The following GPR179 variants were observed in gnomAD, a reference collection of about 807,000 sequenced individuals.
The protein encoded by GPR179 is probable G protein-coupled receptor 179.
Under a neutral mutation model 70.8 loss-of-function variants are expected in GPR179, and 52 were observed. The observed-to-expected ratio is 0.73, with a 90% CI of 0.59 to 0.93. GPR179 has a LOEUF of 0.93. GPR179 is among the 40% of genes least tolerant of loss of function. The pLI, the probability that GPR179 is intolerant of heterozygous loss-of-function variation, is 0.00. For synonymous variants in GPR179, 1,123 were observed against 1,169.0 expected (o/e 0.96, Z 0.80); for missense variants, 2,734 against 2,966.8 (o/e 0.92, Z 1.82).
rs1421293290 is a variant in GPR179 at position 38,328,835 on chromosome 17, G to C, written c.4734C>G (p.Leu1578=). 1.2e-6 allele frequency: 2 copies of C among 1,613,070 alleles called. No individual in the cohort carries two copies. Among genetic ancestry groups the C allele is most frequent in the Admixed American group, 1.7e-5 (1 of 59,922 alleles). Residue 1578 remains leucine (L), a synonymous_variant, in exon 11 of 11, where the codon CTC becomes CTG. Transcript: ENST00000616987. Reference sequence around the variant, plus strand: ...GTGTTGCTTCCTGTGCCTCCGGCCTGAGATCTTCCTGTGGACACACCTGCG... The same window carrying C: ...GTGTTGCTTCCTGTGCCTCCGGCCTCAGATCTTCCTGTGGACACACCTGCG... The part of the protein sequence containing the change: ...RATQVCPQED[L]RPEAQEATPA...
In GPR179 at chr17:38,328,623, C is replaced by G; in HGVS notation, c.4946G>C (p.Gly1649Ala). The change falls in exon 11 of 11, where the codon GGC becomes GCC. Residue 1649 changes from glycine to alanine, a missense_variant. Physicochemically the swap from Gly to Ala is moderately conservative, Grantham distance 60. Transcript: ENST00000616987. ...GCCAGGGTCCACACTCTCCCAGGGG[C>G]CGACCGCTTCTTGCTTTTGGATCTG... ...EGQIQKQEAVGPWESVDPGSF... is the reference protein window; with the variant it reads ...EGQIQKQEAVAPWESVDPGSF... The G allele has an allele frequency of 5.0e-6, 8 of 1,614,192 alleles. No individual in the cohort carries two copies. Among genetic ancestry groups the G allele is most frequent in the Non-Finnish European group, 6.8e-6 (8 of 1,180,038 alleles).
chr17:38,338,686 C>T (rs888074803), intron 2 of GPR179, among the ~76,000 whole-genome samples: 1 of 152,252 alleles, frequency 6.6e-6, no homozygotes, highest in African/African-American at 2.4e-5. Context: ...GAACAATATG[C>T]CCACCAGCCC....
rs1476187467 is a variant in GPR179, at chr17:38,334,759, T to C, written c.1729A>G (p.Met577Val). 1.2e-6 allele frequency: 2 copies of C among 1,613,672 alleles called. No individual in the cohort carries two copies. The highest frequency in any genetic ancestry group is 8.5e-7 in the Non-Finnish European group (1 of 1,179,992). The change falls in exon 8 of 11, where the codon ATG (methionine) becomes GTG (valine). Residue 577 changes from methionine (M) to valine (V), a missense_variant. Physicochemically the swap from Met to Val is conservative, Grantham distance 21. Transcript: ENST00000616987. The surrounding 1 kb of genome is among the most constrained non-coding windows in gnomAD (Gnocchi z 4.7). ...AGCTCATTGTGCAGGGCGATGCCCA[T>C]GTAGCGTGGCTCATGGAAGGCCGAG... ...VLSAFHEPRY[M>V]GIALHNELLL...
At chr17:38,335,488 A>G in intron 6 of GPR179, 103 bp downstream of exon 6, 1 of 871,868 alleles carries the variant, frequency 1.1e-6, no homozygotes, top group Non-Finnish European at 1.9e-6. Context: ...GGTAGAGGGG[A>G]GTGGGGCTGG....
chr17:38,327,843 T>C lies in GPR179; in HGVS notation c.5726A>G (p.Glu1909Gly), dbSNP rs751160527. ...SSEVAEGHSL[E>G]ATEKGDLRQD... The stretch of plus-strand genomic sequence containing the variant: ...TCTCAGGTCCCCCTTCTCTGTTGCT[T>C]CCAAGGAATGTCCCTCTGCCACTTC... The change falls in exon 11 of 11, where the codon GAA (glutamate) becomes GGA (glycine). Residue 1909 changes from glutamate (E) to glycine (G), a missense_variant. Transcript: ENST00000616987. 109 of 1,614,210 alleles carry C rather than the reference T, an allele frequency of 6.8e-5. 1 individual carries two copies. In the South Asian group the frequency reaches 1.2e-3, roughly 18 times the overall value.
chr17:38,333,927 C>A lies in GPR179; in HGVS notation c.1890+6G>T, dbSNP rs1434907397. On this transcript the variant is annotated splice_donor_region_variant and intron_variant, in intron 9 of 10. Coordinates refer to ENST00000616987, the MANE Select transcript of GPR179 (RefSeq NM_001004334.4). ...CCACCTCACAGGCAGGAGGGGAGGGCCTCACCTTAGGGATGAAGATCAGAG... is the reference window on the plus strand; with the variant it reads ...CCACCTCACAGGCAGGAGGGGAGGGACTCACCTTAGGGATGAAGATCAGAG... 6.2e-7 allele frequency: 1 copy of A among 1,606,270 alleles called. No homozygotes were observed. The highest frequency in any genetic ancestry group is 1.3e-5 in the African/African-American group (1 of 74,816).
Position 38,330,714 on chromosome 17 carries a change from C to A in GPR179, c.2855G>T (p.Arg952Met). 1 of 1,593,120 alleles carries A rather than the reference C, an allele frequency of 6.3e-7. No individual in the cohort carries two copies. Among genetic ancestry groups the A allele is most frequent in the South Asian group, 1.1e-5 (1 of 88,370 alleles). ...CAAGGTGGAGGTGGGAGATAGCATC[C>A]TTGGCTCTCCCAGGCCCCCAGACAG... ...LALSGGLGEPRMLSPTSTLAP... is the reference protein window; with the variant it reads ...LALSGGLGEPMMLSPTSTLAP... The change falls in exon 11 of 11, where the codon AGG (arginine) becomes ATG (methionine). Residue 952 changes from arginine (R) to methionine (M), a missense_variant. Coordinates refer to ENST00000616987, the MANE Select transcript of GPR179 (RefSeq NM_001004334.4).
chr17:38,330,224 G>A lies in GPR179; in HGVS notation c.3345C>T (p.Asn1115=), dbSNP rs759742951. The A allele has an allele frequency of 8.3e-6, 13 of 1,575,052 alleles. No individual in the cohort carries two copies. Among genetic ancestry groups the A allele is most frequent in the Middle Eastern group, 1.7e-4 (1 of 5,872 alleles). ...CCATACTCTCTCCCGCAGTCCCGCT[G>A]TTCTGCCCCTCGGGACTCTCCTCCA... ...ESVEESPEGQ[N]SGTAGESMGA... Residue 1115 remains asparagine (N), a synonymous_variant, in exon 11 of 11, where the codon AAC becomes AAT. Transcript: ENST00000616987.
intron 4 of GPR179, 25 bp from the exon 5 acceptor site, chr17:38,336,169 T>A (rs1289389462): frequency 6.5e-7 from 1 of 1,546,906 alleles, no homozygotes; most frequent in Non-Finnish European, 8.9e-7. Context: ...GAGAGGCATG[T>A]GAGCAGAGTC....
rs1028356739 is a variant in GPR179, at chr17:38,327,913, C to G, written c.5656G>C (p.Ala1886Pro). 2 of 1,614,096 alleles carry G rather than the reference C, an allele frequency of 1.2e-6. No individual in the cohort carries two copies. The highest frequency in any genetic ancestry group is 8.5e-7 in the Non-Finnish European group (1 of 1,180,044). The change falls in exon 11 of 11, where the codon GCT becomes CCT. Residue 1886 changes from alanine (A) to proline (P), a missense_variant. Ala to Pro is a conservative substitution (Grantham distance 27). Transcript: ENST00000616987. ...AAGTCTGAGATCTTGGGGGCCTGAG[C>G]AGGGGATTCCCTCAAGTCCTTGTTC... ...WENKDLRESPAQAPKISDLPS... is the reference protein window; with the variant it reads ...WENKDLRESPPQAPKISDLPS...
Position 38,330,224 on chromosome 17 carries a change from G to C in GPR179, c.3345C>G (p.Asn1115Lys), listed in dbSNP as rs759742951. The C allele has an allele frequency of 2.5e-6, 4 of 1,575,170 alleles. No individual in the cohort carries two copies. Among genetic ancestry groups the C allele is most frequent in the Non-Finnish European group, 3.5e-6 (4 of 1,158,998 alleles). Residue 1115 changes from asparagine (N) to lysine (K), a missense_variant, in exon 11 of 11, where the codon AAC becomes AAG. Transcript: ENST00000616987. ...ESVEESPEGQNSGTAGESMGA... is the reference protein window; with the variant it reads ...ESVEESPEGQKSGTAGESMGA... ...CCATACTCTCTCCCGCAGTCCCGCT[G>C]TTCTGCCCCTCGGGACTCTCCTCCA...
In GPR179 at chr17:38,326,684, G is replaced by C. The variant is rs756747351; in HGVS notation, c.6885C>G (p.Pro2295=). 28 of 1,614,156 alleles carry C rather than the reference G, an allele frequency of 1.7e-5. No homozygotes were observed. In the East Asian group the frequency reaches 6.2e-4, roughly 36 times the overall value. The part of the protein sequence containing the change: ...HFFPESKIPC[P]KVSRPASTFT... ...AAGTACTGGCTGGCCTGCTTACCTTGGGGCAGGGGATTTTGCTTTCTGGAA... is the reference window on the plus strand; with the variant it reads ...AAGTACTGGCTGGCCTGCTTACCTTCGGGCAGGGGATTTTGCTTTCTGGAA... Residue 2295 remains proline (P), a synonymous_variant, in exon 11 of 11, where the codon CCC becomes CCG. Transcript: ENST00000616987.
intron 4 of GPR179, 24 bp from the exon 5 acceptor site, chr17:38,336,168 G>A: frequency 1.9e-6 from 3 of 1,543,408 alleles, no homozygotes; most frequent in Non-Finnish European, 2.7e-6. Flanking sequence ...AGAGAGGCAT[G>A]TGAGCAGAGT....
At chr17:38,335,725 T>G in intron 5 of GPR179, 25 bp from the exon 6 acceptor site, 20 of 1,455,160 alleles carry the variant, frequency 1.4e-5, no homozygotes, top group Non-Finnish European at 1.8e-5. Flanking sequence ...CAAAAATCTC[T>G]GCTCTCTACT....
chr17:38,339,495 CTG>C lies in GPR179; in HGVS notation c.823_824del (p.Gln275GlufsTer16). 2 of 1,614,012 alleles carry C rather than the reference CTG, an allele frequency of 1.2e-6. No individual in the cohort carries two copies. The highest frequency in any genetic ancestry group is 1.7e-6 in the Non-Finnish European group (2 of 1,179,872). ...TTGCACACTGATTGATGTCCACACT[CTG>C]GAGATCTACGTCCATCTGCACCTGC... Reference protein sequence around the residue: ...RGQVQMDVDLQSVDINQCASG... With the variant: ...RGQVQMDVDLXSVDINQCASG... On this transcript the variant is annotated frameshift_variant, in exon 2 of 11. Transcript: ENST00000616987. LOFTEE classifies it high-confidence loss of function.
In GPR179 at chr17:38,337,228, A is replaced by G; in HGVS notation, c.992-15T>C. On this transcript the variant is annotated splice_polypyrimidine_tract_variant and intron_variant, in intron 3 of 10. Transcript: ENST00000616987. ...CTCCTCTAACCCTATAAAGAACAAG[A>G]TGAGTGCAGGGAGAGGGGCCCAGCT... 2 of 1,597,812 alleles carry G rather than the reference A, an allele frequency of 1.3e-6. No homozygotes were observed. Among genetic ancestry groups the G allele is most frequent in the East Asian group, 4.5e-5 (2 of 44,544 alleles).
Position 38,337,059 on chromosome 17 carries a change from G to T in GPR179, c.1146C>A (p.Ala382=). The T allele has an allele frequency of 3.1e-6, 5 of 1,608,916 alleles. No individual in the cohort carries two copies. The highest frequency in any genetic ancestry group is 4.2e-6 in the Non-Finnish European group (5 of 1,178,464). ...AGCAGGCCTGGCAGGCCAGCACAGC[G>T]GCCCGCAGCACCGCGGCCTCTTCCA... ...CLVEEAAVLR[A]AVLACQACCM... Residue 382 remains alanine, a synonymous_variant, in exon 4 of 11, where the codon GCC becomes GCA. Coordinates refer to ENST00000616987, the MANE Select transcript of GPR179 (RefSeq NM_001004334.4).
rs768372273 is a variant in GPR179 at position 38,329,229 on chromosome 17, C to T, written c.4340G>A (p.Gly1447Glu). The change falls in exon 11 of 11, where the codon GGA becomes GAA. Residue 1447 changes from glycine to glutamate, a missense_variant. Physicochemically the swap from Gly to Glu is moderately conservative, Grantham distance 98 (BLOSUM62 -2). Transcript: ENST00000616987. ...GPSAVSIQAP[G>E]SSECSGSLGS... ...CAAACTCCCTGAACACTCTGAGCTT[C>T]CTGGGGCCTGAATTGAGACTGCTGA... is the stretch of plus-strand genomic sequence containing the variant. The T allele has an allele frequency of 6.2e-7, 1 of 1,613,916 alleles. No homozygotes were observed. Among genetic ancestry groups the T allele is most frequent in the East Asian group, 2.2e-5 (1 of 44,878 alleles).
chr17:38,343,381 C>T lies in GPR179; in HGVS notation c.409G>A (p.Val137Met), dbSNP rs750988170. ...TACACTCTTGGGTCCCCCTCGGCCA[C>T]GCTGCGGACCAGTGCCTGGTACCAT... ...VEWYQALVRSVAEGDPRVYRA... is the reference protein window; with the variant it reads ...VEWYQALVRSMAEGDPRVYRA... Residue 137 changes from valine to methionine, a missense_variant, in exon 1 of 11, where the codon GTG (valine) becomes ATG (methionine). Coordinates refer to ENST00000616987, the MANE Select transcript of GPR179 (RefSeq NM_001004334.4). This position sits in a 1 kb window ranked among gnomAD's most constrained non-coding sequence, Gnocchi z 4.2. The T allele has an allele frequency of 8.7e-6, 14 of 1,614,182 alleles. No individual in the cohort carries two copies. Among genetic ancestry groups the T allele is most frequent in the African/African-American group, 5.3e-5 (4 of 75,046 alleles).
Sources: gnomAD v4.1 joint callset for allele counts (sites outside exome capture counted in the v4.1 genomes callset) on GRCh38, gnomAD v4.1.1 for gene constraint, Gnocchi (gnomAD v3.1) non-coding constraint, MANE v1.5 for transcripts, NCBI Gene and HGNC (gene_info 2026-07-23, HGNC 2026-07-21) for gene names.